The following PDPK1 variants were observed in gnomAD, a reference collection of about 807,000 sequenced individuals.
The protein encoded by PDPK1 is 3-phosphoinositide dependent protein kinase 1.
Under a neutral mutation model 39.8 loss-of-function variants are expected in PDPK1, and 7 were observed. That is an observed-to-expected ratio of 0.18 (90% CI 0.10 to 0.33). PDPK1 has a LOEUF of 0.33. Ranked by LOEUF, PDPK1 falls within the 10% of genes least tolerant of loss-of-function variation. PDPK1 has a pLI of 1.00. For synonymous variants in PDPK1, 118 were observed against 159.1 expected (o/e 0.74, Z 1.95); for missense variants, 182 against 384.7 (o/e 0.47, Z 4.41).
intron 12 of PDPK1, among the ~76,000 whole-genome samples, chr16:2,596,731 G>C (rs1038706049): frequency 2.0e-4 from 31 of 152,162 alleles, no homozygotes; most frequent in African/African-American, 7.2e-4. Flanking sequence ...TCAGCTCCAG[G>C]TGCTCACGGG....
In PDPK1 at chr16:2,587,367, G is replaced by T. The variant is rs146470874; in HGVS notation, c.1343+474G>T. Among the ~76,000 whole-genome samples the T allele has an allele frequency of 1.5e-4, 23 of 152,318 alleles. No individual in the cohort carries two copies. In the East Asian group the frequency reaches 4.2e-3, roughly 28 times the overall value. ...TCTGCCTTTCCCAATGCTCTTGCCT[G>T]CCTGAGAGTGTTTTGATGCTCCAAA... On this transcript the variant is annotated intron_variant, in intron 11 of 13. Coordinates refer to ENST00000342085, the MANE Select transcript of PDPK1 (RefSeq NM_002613.5).
Position 2,599,934 on chromosome 16 carries a change from C to T in PDPK1, c.*2167C>T, listed in dbSNP as rs1206669196. On this transcript the variant is annotated 3_prime_UTR_variant, in exon 14 of 14. Coordinates refer to ENST00000342085, the MANE Select transcript of PDPK1 (RefSeq NM_002613.5). ...GCGTCACTGACAAGCTCCATCTTAA[C>T]CTCCAAAGCCACAGAACTAGGGGCT... 2.7e-4 allele frequency: 63 copies of T among 233,336 alleles called. No individual in the cohort carries two copies. The highest frequency in any genetic ancestry group is 1.3e-3 in the African/African-American group (57 of 45,458). The allele number at this position is 233,336 out of a possible 1,614,324, so 14.5% of individuals were successfully genotyped here.
In PDPK1 at chr16:2,602,795, A is replaced by C. The variant is rs971208284; in HGVS notation, c.*5028A>C. On this transcript the variant is annotated 3_prime_UTR_variant, in exon 14 of 14. Coordinates refer to ENST00000342085, the MANE Select transcript of PDPK1 (RefSeq NM_002613.5). The stretch of plus-strand genomic sequence containing the variant: ...GACAAAGCAAAAATTAAAAGAACTT[A>C]TGAAAACAAATGCAATGATACTAGG... 1 of 234,258 alleles carries C rather than the reference A, an allele frequency of 4.3e-6. No homozygotes were observed. The highest frequency in any genetic ancestry group is 2.2e-5 in the African/African-American group (1 of 45,338). 14.5% of individuals were successfully genotyped at this position (234,258 alleles called of 1,614,324 possible). A position where few individuals can be genotyped will look rare whatever the true frequency, so the allele number is the denominator to read the frequency against.
At chr16:2,551,935 G>A (rs948154193) in intron 1 of PDPK1, among the ~76,000 whole-genome samples, 9 of 151,276 alleles carry the variant, frequency 5.9e-5, no homozygotes, top group Non-Finnish European at 2.9e-5. Flanking sequence ...CAAAGTGCTG[G>A]GATTATAGGC....
At chr16:2,585,606 G>A (rs2066853635) in intron 10 of PDPK1, among the ~76,000 whole-genome samples, 5 of 152,360 alleles carry the variant, frequency 3.3e-5, no homozygotes, top group African/African-American at 1.2e-4. Flanking sequence ...ATTGGGCAGT[G>A]TTGGAGACAA....
At chr16:2,594,462 C>G (rs1296587231) in intron 11 of PDPK1, 1 of 152,064 alleles carries the variant, frequency 6.6e-6, no homozygotes, top group African/African-American at 2.4e-5. Context: ...GAGCATCAAT[C>G]ACTTGAATCC....
chr16:2,542,653 A>G (rs924148825), intron 1 of PDPK1, among the ~76,000 whole-genome samples: 25 of 152,250 alleles, frequency 1.6e-4, no homozygotes, highest in Non-Finnish European at 3.4e-4. Flanking sequence ...TGGACAGTCC[A>G]GTGACTTCCG....
chr16:2,594,465 T>G (rs1411817864), intron 11 of PDPK1: 1 of 152,066 alleles, frequency 6.6e-6, no homozygotes, highest in African/African-American at 2.4e-5. Context: ...CATCAATCAC[T>G]TGAATCCGGG....
chr16:2,577,796 T>G (rs2066744424), intron 7 of PDPK1, among the ~76,000 whole-genome samples: 1 of 149,474 alleles, frequency 6.7e-6, no homozygotes, highest in South Asian at 2.1e-4. Context: ...TGGAGTGCAG[T>G]GGCACCATCT....
chr16:2,541,641 T>C (rs79588712), intron 1 of PDPK1, among the ~76,000 whole-genome samples: 57 of 151,594 alleles, frequency 3.8e-4, no homozygotes, highest in South Asian at 1.2e-3. Context: ...ATGTGGCCAC[T>C]GGGCTGCCCA....
chr16:2,546,286 C>G (rs1567145766), intron 1 of PDPK1, among the ~76,000 whole-genome samples: 4 of 151,136 alleles, frequency 2.6e-5, no homozygotes, highest in Admixed American at 2.6e-4. Flanking sequence ...GTTTCACCAT[C>G]TTGGTTAGGC....
Position 2,593,161 on chromosome 16 carries a change from G to A in PDPK1, c.1344-2632G>A, listed in dbSNP as rs1158775779. ...TCCTGCACGCCCGTGCCTGTGGCAT[G>A]CCCAGATGATCAGGGTGGAGCGGCC... On this transcript the variant is annotated intron_variant, in intron 11 of 13. Coordinates refer to ENST00000342085, the MANE Select transcript of PDPK1 (RefSeq NM_002613.5). The surrounding 1 kb of genome is among the most constrained non-coding windows in gnomAD (Gnocchi z 4.2). The A allele has an allele frequency of 2.2e-6, 1 of 453,020 alleles. No individual in the cohort carries two copies. Among genetic ancestry groups the A allele is most frequent in the African/African-American group, 2.0e-5 (1 of 49,994 alleles). 28.1% of individuals were successfully genotyped at this position (453,020 alleles called of 1,614,324 possible). A position where few individuals can be genotyped will look rare whatever the true frequency, so the allele number is the denominator to read the frequency against.
rs1194870943 is a variant in PDPK1, at chr16:2,598,619, C to T, written c.*852C>T. 2 of 233,300 alleles carry T rather than the reference C, an allele frequency of 8.6e-6. No individual in the cohort carries two copies. Among genetic ancestry groups the T allele is most frequent in the Non-Finnish European group, 1.7e-5 (2 of 118,156 alleles). The allele number at this position is 233,300 out of a possible 1,614,324, so 14.5% of individuals were successfully genotyped here. ...TGCACGAGAGAGTCCTGCCCCGAGC[C>T]CTAGGTGGGGCCAGGAGGTGCCTTG... On this transcript the variant is annotated 3_prime_UTR_variant, in exon 14 of 14. Coordinates refer to ENST00000342085, the MANE Select transcript of PDPK1 (RefSeq NM_002613.5).
At chr16:2,591,930 A>G (rs992695325) in intron 11 of PDPK1, among the ~76,000 whole-genome samples, 1 of 152,244 alleles carries the variant, frequency 6.6e-6, no homozygotes, top group African/African-American at 2.4e-5. Context: ...GGTCTTCCAC[A>G]GAGGTAAAGA....
rs1277750528 is a variant in PDPK1 at position 2,586,747 on chromosome 16, C to T, written c.1197C>T (p.Ala399=). 1 of 1,614,232 alleles carries T rather than the reference C, an allele frequency of 6.2e-7. No individual in the cohort carries two copies. The highest frequency in any genetic ancestry group is 2.2e-5 in the East Asian group (1 of 44,894). Residue 399 remains alanine, a synonymous_variant, in exon 11 of 14, where the codon GCC becomes GCT. Coordinates refer to ENST00000342085, the MANE Select transcript of PDPK1 (RefSeq NM_002613.5). ...CCTCCTCCTCACACTCCCTGTCAGC[C>T]TCCGACACGGGCCTGCCCCAGAGGT... ...SSSSSSHSLS[A]SDTGLPQRSG... is the part of the protein sequence containing the mutation.
intron 11 of PDPK1, 54 bp downstream of exon 11, chr16:2,586,947 G>C (rs757674189): frequency 1.1e-5 from 17 of 1,496,286 alleles, no homozygotes; most frequent in Non-Finnish European, 1.5e-5. Context: ...GCGTGAACAC[G>C]TGGGGGCTTA....
chr16:2,594,806 C>A (rs1002940007), intron 11 of PDPK1, among the ~76,000 whole-genome samples: 1 of 152,086 alleles, frequency 6.6e-6, no homozygotes, highest in Non-Finnish European at 1.5e-5. Flanking sequence ...CAGGGTGAAA[C>A]CCCATCTCTA....
At position 2,601,573 on chromosome 16, in the gene PDPK1, G is replaced by C. The variant is rs993768655; in HGVS notation, c.*3806G>C. ...TTGCCACATGCTTAGTGAGTGATTT[G>C]TAATTAAGTTTATAGACTCAGAAGG... On this transcript the variant is annotated 3_prime_UTR_variant, in exon 14 of 14. Coordinates refer to ENST00000342085, the MANE Select transcript of PDPK1 (RefSeq NM_002613.5). The C allele has an allele frequency of 4.3e-6, 1 of 234,266 alleles. No individual in the cohort carries two copies. Among genetic ancestry groups the C allele is most frequent in the Non-Finnish European group, 8.5e-6 (1 of 117,794 alleles). The allele number at this position is 234,266 out of a possible 1,614,324, so 14.5% of individuals were successfully genotyped here. A position where few individuals can be genotyped will look rare whatever the true frequency, so the allele number is the denominator to read the frequency against.
intron 1 of PDPK1, among the ~76,000 whole-genome samples, chr16:2,542,361 A>G (rs998890697): frequency 7.2e-5 from 11 of 152,040 alleles, no homozygotes; most frequent in Non-Finnish European, 1.0e-4. Flanking sequence ...AGGTCTCACT[A>G]TGTTGCCCAG....
Sources: gnomAD v4.1 joint callset for allele counts (sites outside exome capture counted in the v4.1 genomes callset) on GRCh38, gnomAD v4.1.1 for gene constraint, Gnocchi (gnomAD v3.1) non-coding constraint, MANE v1.5 for transcripts, NCBI Gene and HGNC (gene_info 2026-07-23, HGNC 2026-07-21) for gene names.